Variants in RHCE observed in about 807,000 individuals in gnomAD.
The protein encoded by RHCE is Rh blood group CcEe antigens, also known as blood group Rh(CE) polypeptide.
In RHCE, 22 loss-of-function variants were observed where a neutral mutation model predicts 43.8. That is an observed-to-expected ratio of 0.50 (90% CI 0.36 to 0.72). The LOEUF (loss-of-function observed/expected upper bound fraction) is 0.72, where lower values mean the gene tolerates loss of function less well. Among genes scored for constraint, RHCE ranks in the 30% least tolerant of loss-of-function variants. The probability of loss-of-function intolerance (pLI) is 0.00; values close to 1 mark genes in which losing one functional copy is unlikely to be tolerated. For missense variants in RHCE, 385 were observed against 525.4 expected (o/e 0.73, Z 2.61); for synonymous variants, 156 against 210.7 (o/e 0.74, Z 2.25).
chr1:25,396,852 G>A lies in RHCE; in HGVS notation c.487-4711C>T, dbSNP rs555426580. On this transcript the variant is annotated intron_variant, in intron 3 of 9. Coordinates refer to ENST00000294413, the MANE Select transcript of RHCE (RefSeq NM_020485.8). ...ACTGAGGCCGGTTATGGTGGCCCAC[G>A]CCTGTAATCTCAGCAATTTGGGAGG... 4.2e-3 allele frequency among the ~76,000 whole-genome samples: 643 copies of A among 151,792 alleles called. 4 individuals are homozygous for A. The highest frequency in any genetic ancestry group is 0.014 in the African/African-American group (581 of 41,192).
At chr1:25,402,141 T>C (rs1646768251) in intron 3 of RHCE, among the ~76,000 whole-genome samples, 1 of 152,076 alleles carries the variant, frequency 6.6e-6, no homozygotes, top group African/African-American at 2.4e-5. Context: ...CCTCCCAAAG[T>C]GCTGGGATTA....
intron 1 of RHCE, among the ~76,000 whole-genome samples, chr1:25,410,648 C>A (rs1414493960): frequency 2.0e-5 from 3 of 152,052 alleles, no homozygotes; most frequent in Non-Finnish European, 4.4e-5. Flanking sequence ...AATCCACCCA[C>A]CTCCGTCTCC....
chr1:25,392,155 CAGT>C lies in RHCE; in HGVS notation c.487-17_487-15del. 6.2e-7 allele frequency: 1 copy of C among 1,614,120 alleles called. No homozygotes were observed. Among genetic ancestry groups the C allele is most frequent in the Non-Finnish European group, 8.5e-7 (1 of 1,179,994 alleles). The stretch of plus-strand genomic sequence containing the variant: ...GTGGTAGTCTGTCTGCAATAAAACC[CAGT>C]AAGAGCAGTGAGTGTCGGCATCCTC... On this transcript the variant is annotated splice_polypyrimidine_tract_variant and intron_variant, in intron 3 of 9. Coordinates refer to ENST00000294413, the MANE Select transcript of RHCE (RefSeq NM_020485.8).
intron 2 of RHCE, among the ~76,000 whole-genome samples, chr1:25,428,427 C>A (rs1327241525): frequency 6.6e-6 from 1 of 152,248 alleles, no homozygotes; most frequent in Non-Finnish European, 1.5e-5. Flanking sequence ...TTTTCTACTG[C>A]TCCACACATA....
Position 25,388,999 on chromosome 1 carries a change from T to G in RHCE, c.916A>C (p.Ile306Leu). The change falls in exon 6 of 10, where the codon ATC (isoleucine) becomes CTC (leucine). Residue 306 changes from isoleucine to leucine, a missense_variant. Coordinates refer to ENST00000294413, the MANE Select transcript of RHCE (RefSeq NM_020485.8). Reference sequence around the variant, plus strand: ...ACCGGCAGGCACTTGGCTCCCCCGATGGAGATCAGCCCAGCCACAAGACCC... The same window carrying G: ...ACCGGCAGGCACTTGGCTCCCCCGAGGGAGATCAGCCCAGCCACAAGACCC... ...VLGLVAGLIS[I>L]GGAKCLPVCC... 6.2e-7 allele frequency: 1 copy of G among 1,614,090 alleles called. No homozygotes were observed. Among genetic ancestry groups the G allele is most frequent in the Non-Finnish European group, 8.5e-7 (1 of 1,179,986 alleles).
At chr1:25,417,831 C>T (rs2124540509) in intron 1 of RHCE, among the ~76,000 whole-genome samples, 1 of 152,260 alleles carries the variant, frequency 6.6e-6, no homozygotes, top group East Asian at 1.9e-4. Context: ...CAATACTACA[C>T]TACAGCCTCC....
At chr1:25,372,936 C>G (rs1186481540) in intron 8 of RHCE, among the ~76,000 whole-genome samples, 2 of 151,610 alleles carry the variant, frequency 1.3e-5, no homozygotes, top group Non-Finnish European at 2.9e-5. Flanking sequence ...TCCGGAGCAG[C>G]TGGGACTACA....
At chr1:25,386,836 C>T (rs1367700729) in intron 6 of RHCE, among the ~76,000 whole-genome samples, 1 of 135,040 alleles carries the variant, frequency 7.4e-6, no homozygotes, top group East Asian at 2.0e-4. Context: ...ACAACAACAA[C>T]AACAAAACAC....
chr1:25,420,759 G>T lies in RHCE; in HGVS notation c.28C>A (p.Arg10=). 6.2e-7 allele frequency: 1 copy of T among 1,609,140 alleles called. No individual in the cohort carries two copies. Among genetic ancestry groups the T allele is most frequent in the East Asian group, 2.2e-5 (1 of 44,826 alleles). MSSKYPRSV[R]RCLPLCALTL... is the part of the protein sequence containing the mutation. ...AGGGCGCAGAGGGGCAGGCAGCGCCGGACAGACCGCGGGTACTTAGAGCTC... is the reference window on the plus strand; with the variant it reads ...AGGGCGCAGAGGGGCAGGCAGCGCCTGACAGACCGCGGGTACTTAGAGCTC... The change falls in exon 1 of 10, where the codon CGG becomes AGG. Residue 10 remains arginine (R), a synonymous_variant. Transcript: ENST00000294413.
chr1:25,380,677 C>T (rs963280438), intron 7 of RHCE, among the ~76,000 whole-genome samples: 5 of 152,178 alleles, frequency 3.3e-5, no homozygotes, highest in African/African-American at 1.2e-4. Flanking sequence ...TGAACCACAG[C>T]TGGGATGGCT....
At chr1:25,381,655 A>G (rs986827481) in intron 7 of RHCE, among the ~76,000 whole-genome samples, 1 of 151,844 alleles carries the variant, frequency 6.6e-6, no homozygotes, top group African/African-American at 2.4e-5. Context: ...ACAGCGTTTC[A>G]CCATGTTAGC....
chr1:25,414,642 G>C (rs1253487934), intron 1 of RHCE, among the ~76,000 whole-genome samples: 1 of 152,202 alleles, frequency 6.6e-6, no homozygotes, highest in African/African-American at 2.4e-5. Context: ...GGAGTATGGG[G>C]TGGGGATGGG....
rs1044945369 is a variant in RHCE at position 25,408,797 on chromosome 1, C to T, written c.221G>A (p.Trp74Ter). 4.7e-6 allele frequency: 6 copies of T among 1,282,642 alleles called. 1 individual carries two copies. Among genetic ancestry groups the T allele is most frequent in the Admixed American group, 4.6e-5 (2 of 43,196 alleles). The allele number at this position is 1,282,642 out of a possible 1,614,324, so 79.5% of individuals were successfully genotyped here. ...GAAGAGGTTGAAGGCCACACTGCTC[C>T]AGCTGTGTCTCCGGAAATTTGAGGT... The part of the protein sequence containing the change: ...FLTSNFRRHS[W>*]SSVAFNLFML... The change falls in exon 2 of 10, where the codon TGG becomes TAG. Residue 74 changes from tryptophan to a stop codon, truncating the protein, a stop_gained. Coordinates refer to ENST00000294413, the MANE Select transcript of RHCE (RefSeq NM_020485.8). LOFTEE classifies it high-confidence loss of function.
chr1:25,400,155 C>T (rs1326272592), intron 3 of RHCE, among the ~76,000 whole-genome samples: 2 of 152,136 alleles, frequency 1.3e-5, no homozygotes, highest in Non-Finnish European at 2.9e-5. Context: ...GATTATTGCC[C>T]TCCTGCTTCT....
Position 25,405,635 on chromosome 1 carries a change from C to G in RHCE, c.336-2889G>C, listed in dbSNP as rs1359069852. ...TACCACTGCACTCCAGACTGGGCAA[C>G]AGAGCAAGACCCTGTCTCTAAAAAA... On this transcript the variant is annotated intron_variant, in intron 2 of 9. Transcript: ENST00000294413. 1.6e-5 allele frequency among the ~76,000 whole-genome samples: 2 copies of G among 124,586 alleles called. 1 individual carries two copies. Among genetic ancestry groups the G allele is most frequent in the Non-Finnish European group, 3.7e-5 (2 of 54,418 alleles). The allele number at this position is 124,586 out of a possible 152,430, so 81.7% of individuals were successfully genotyped here.
intron 1 of RHCE, among the ~76,000 whole-genome samples, chr1:25,420,121 GC>G (rs906756181): frequency 2.5e-4 from 38 of 152,020 alleles, no homozygotes; most frequent in African/African-American, 8.5e-4. Flanking sequence ...GGTCAAGGCT[GC>G]AGTGAACCAT....
intron 9 of RHCE, among the ~76,000 whole-genome samples, chr1:25,369,782 A>G (rs1038189620): frequency 8.3e-6 from 1 of 120,362 alleles, no homozygotes; most frequent in African/African-American, 3.4e-5. Flanking sequence ...CTTGTCACCC[A>G]GGCTGGAGTG....
intron 8 of RHCE, 34 bp from the exon 9 acceptor site, chr1:25,370,574 T>C: frequency 6.5e-7 from 1 of 1,545,432 alleles, no homozygotes; most frequent in South Asian, 1.1e-5. Context: ...TTAAAAGATT[T>C]GGAGCACAGG....
chr1:25,372,858 G>T (rs528955889), intron 8 of RHCE, among the ~76,000 whole-genome samples: 2 of 151,784 alleles, frequency 1.3e-5, no homozygotes, highest in Non-Finnish European at 2.9e-5. Context: ...AGGCTGGAGT[G>T]CAGTGGCACG....
Sources: gnomAD v4.1 joint callset for allele counts (sites outside exome capture counted in the v4.1 genomes callset) on GRCh38, gnomAD v4.1.1 for gene constraint, MANE v1.5 for transcripts, NCBI Gene and HGNC (gene_info 2026-07-23, HGNC 2026-07-21) for gene names.